INPP4B: variants seen among roughly 807,000 people sequenced by gnomAD.
The protein encoded by INPP4B is inositol polyphosphate 4-phosphatase type II.
Under a neutral mutation model 122.5 loss-of-function variants are expected in INPP4B, and 55 were observed. The ratio of observed to expected loss-of-function variants is 0.45; its 90% confidence interval spans 0.36 to 0.56. INPP4B has a LOEUF of 0.56. Ranked by LOEUF, INPP4B falls within the 20% of genes least tolerant of loss-of-function variation. The pLI is 0.00. For synonymous variants in INPP4B, 403 were observed against 388.7 expected, an observed-to-expected ratio of 1.04 and a Z score of -0.43; for missense variants, 1,000 against 1,097.7, an observed-to-expected ratio of 0.91 and a Z score of 1.26.
intron 12 of INPP4B, among the ~76,000 whole-genome samples, chr4:142,220,312 C>A (rs1429468426): frequency 6.6e-6 from 1 of 152,150 alleles, no homozygotes; most frequent in Non-Finnish European, 1.5e-5. Context: ...CTCAACAGAG[C>A]CGGTTGAAAT....
chr4:142,135,091 G>C (rs1803366933), intron 18 of INPP4B, among the ~76,000 whole-genome samples: 1 of 152,066 alleles, frequency 6.6e-6, no homozygotes. Context: ...CATAAATGTT[G>C]AACAATATTC....
At chr4:142,467,553 G>GT (rs1818027923) in intron 2 of INPP4B, among the ~76,000 whole-genome samples, 2 of 147,334 alleles carry the variant, frequency 1.4e-5, no homozygotes, top group African/African-American at 2.5e-5. Context: ...TTTGTTTTTT[G>GT]TTTTTTCAAA....
chr4:142,324,878 C>T (rs1158776912), intron 7 of INPP4B, among the ~76,000 whole-genome samples: 7 of 152,108 alleles, frequency 4.6e-5, no homozygotes, highest in Non-Finnish European at 8.8e-5. Flanking sequence ...ACTTGAGGCC[C>T]CTGAAGTCTC....
chr4:142,436,088 A>G (rs1436802492), intron 3 of INPP4B, among the ~76,000 whole-genome samples: 2 of 152,168 alleles, frequency 1.3e-5, no homozygotes. Context: ...AGGCTGGACG[A>G]CTGGGTCCCG....
chr4:142,676,112 C>A (rs1161821192), intron 2 of INPP4B, among the ~76,000 whole-genome samples: 2 of 152,170 alleles, frequency 1.3e-5, no homozygotes, highest in Non-Finnish European at 2.9e-5. Context: ...TGTCTCAGCT[C>A]AGAATCTCCT....
At chr4:142,488,092 C>T (rs1394525457) in intron 2 of INPP4B, among the ~76,000 whole-genome samples, 1 of 152,022 alleles carries the variant, frequency 6.6e-6, no homozygotes, top group Non-Finnish European at 1.5e-5. Flanking sequence ...TCCTAGACTT[C>T]TGAGAGCTTT....
At chr4:142,116,664 G>A (rs1793650117) in intron 21 of INPP4B, among the ~76,000 whole-genome samples, 1 of 152,190 alleles carries the variant, frequency 6.6e-6, no homozygotes, top group South Asian at 2.1e-4. Flanking sequence ...TTAAAGCAGT[G>A]TGTAGAGGGA....
chr4:142,551,414 G>T (rs1448359731), intron 2 of INPP4B, among the ~76,000 whole-genome samples: 1 of 152,188 alleles, frequency 6.6e-6, no homozygotes, highest in East Asian at 1.9e-4. Flanking sequence ...AGAAATAAAA[G>T]GGAGGAGAGA....
chr4:142,837,030 G>A (rs1476443076), intron 1 of INPP4B, among the ~76,000 whole-genome samples: 3 of 151,974 alleles, frequency 2.0e-5, no homozygotes, highest in Admixed American at 6.6e-5. Flanking sequence ...GCAGGGCGTG[G>A]TGGCACGTGC....
intron 12 of INPP4B, among the ~76,000 whole-genome samples, chr4:142,229,487 C>T (rs563872075): frequency 2.0e-4 from 30 of 152,102 alleles, no homozygotes; most frequent in Non-Finnish European, 3.2e-4. Context: ...AGATGAATAC[C>T]GCCCTGCTTT....
chr4:142,236,765 T>A (rs1369600639), intron 12 of INPP4B, among the ~76,000 whole-genome samples: 2 of 152,204 alleles, frequency 1.3e-5, no homozygotes, highest in African/African-American at 4.8e-5. Flanking sequence ...CTCACTGGCT[T>A]AGGTCAATAT....
intron 14 of INPP4B, among the ~76,000 whole-genome samples, chr4:142,196,496 C>T (rs932007563): frequency 5.9e-5 from 9 of 151,984 alleles, no homozygotes; most frequent in African/African-American, 1.7e-4. Flanking sequence ...AGATCATGTT[C>T]GACTCCTCTC....
chr4:142,328,013 C>G (rs1773078708), intron 7 of INPP4B, among the ~76,000 whole-genome samples: 1 of 152,064 alleles, frequency 6.6e-6, no homozygotes, highest in Non-Finnish European at 1.5e-5. Flanking sequence ...AGCAAAGATC[C>G]CAGTTTTCCT....
rs950887254 is a variant in INPP4B, at chr4:142,042,665, C to T, written c.2643-13751G>A. 1.1e-4 allele frequency among the ~76,000 whole-genome samples: 17 copies of T among 152,196 alleles called. No homozygotes were observed. The East Asian group carries it at 1.9e-3, about 17-fold the overall frequency. On this transcript the variant is annotated intron_variant, in intron 25 of 25. Coordinates refer to ENST00000262992, the MANE Select transcript of INPP4B (RefSeq NM_001101669.3). ...GCAACCTCCGCCTCCCGGGTTCAAG[C>T]GATTCTCCTGCCTCAGCCTCCTGAG...
chr4:142,030,074 T>TA, intron 25 of INPP4B: 1 of 1,451,024 alleles, frequency 6.9e-7, no homozygotes. Flanking sequence ...ATTGTCCCCA[T>TA]AATTTAAAGT....
intron 16 of INPP4B, 73 bp from the exon 17 acceptor site, chr4:142,160,634 G>T: frequency 1.7e-6 from 2 of 1,147,170 alleles, no homozygotes; most frequent in Non-Finnish European, 1.2e-6. Flanking sequence ...AAGGTCAATT[G>T]CAGATTTGTT....
At chr4:142,728,297 T>C (rs909861608) in intron 1 of INPP4B, among the ~76,000 whole-genome samples, 3 of 152,192 alleles carry the variant, frequency 2.0e-5, no homozygotes, top group Admixed American at 2.0e-4. Context: ...ACAGCATATA[T>C]GTCTTCTAAA....
At chr4:142,625,744 A>T (rs561528348) in intron 2 of INPP4B, among the ~76,000 whole-genome samples, 2 of 152,058 alleles carry the variant, frequency 1.3e-5, no homozygotes, top group Non-Finnish European at 2.9e-5. Context: ...ACTACAATGC[A>T]ACAGTAACCA....
chr4:142,465,256 A>T (rs563403266), intron 2 of INPP4B, among the ~76,000 whole-genome samples: 1 of 152,070 alleles, frequency 6.6e-6, no homozygotes, highest in South Asian at 2.1e-4. Flanking sequence ...TTTTGTTCCC[A>T]TTATGGGGTC....
Sources: gnomAD v4.1 joint callset for allele counts (sites outside exome capture counted in the v4.1 genomes callset) on GRCh38, gnomAD v4.1.1 for gene constraint, MANE v1.5 for transcripts, NCBI Gene and HGNC (gene_info 2026-07-23, HGNC 2026-07-21) for gene names.